NPAS2: variants seen among roughly 807,000 people sequenced by gnomAD.
NPAS2 encodes the protein neuronal PAS domain-containing protein 2.
In NPAS2, 23 loss-of-function variants were observed where a neutral mutation model predicts 107.5. The ratio of observed to expected loss-of-function variants is 0.21; its 90% CI spans 0.15 to 0.30. The LOEUF (loss-of-function observed/expected upper bound fraction) is 0.30, where lower values mean the gene tolerates loss of function less well. Among genes scored for constraint, NPAS2 ranks in the 10% least tolerant of loss-of-function variants. NPAS2 has a pLI of 1.00. For missense variants in NPAS2, 756 were observed against 1,043.3 expected (o/e 0.72, Z 3.79); for synonymous variants, 403 against 417.5 (o/e 0.97, Z 0.42).
At chr2:100,992,040 C>T (rs961222550) in intron 19 of NPAS2, among the ~76,000 whole-genome samples, 17 of 152,296 alleles carry the variant, frequency 1.1e-4, no homozygotes, top group African/African-American at 2.9e-4. Context: ...TGTAAAGTTC[C>T]GTTCATGTCT....
At chr2:100,944,059 A>C (rs559723019) in intron 5 of NPAS2, among the ~76,000 whole-genome samples, 1 of 152,288 alleles carries the variant, frequency 6.6e-6, no homozygotes, top group East Asian at 1.9e-4. Flanking sequence ...CATTCTCTAC[A>C]CTACCTTCTG....
intron 12 of NPAS2, among the ~76,000 whole-genome samples, chr2:100,974,244 T>C (rs1335748749): frequency 6.6e-6 from 1 of 152,184 alleles, no homozygotes; most frequent in Non-Finnish European, 1.5e-5. Flanking sequence ...CTCGTCACAC[T>C]GTATTTGAAG....
intron 1 of NPAS2, among the ~76,000 whole-genome samples, chr2:100,852,645 G>A (rs1465322612): frequency 6.6e-6 from 1 of 152,104 alleles, no homozygotes; most frequent in Non-Finnish European, 1.5e-5. Flanking sequence ...CACTTGTGAT[G>A]GAGCACTGCA....
intron 1 of NPAS2, among the ~76,000 whole-genome samples, chr2:100,861,125 C>T (rs1678917717): frequency 6.6e-6 from 1 of 152,010 alleles, no homozygotes; most frequent in Non-Finnish European, 1.5e-5. Flanking sequence ...TCTCAGCCTC[C>T]CAAAGCACTG....
At chr2:100,846,572 G>T (rs1270327980) in intron 1 of NPAS2, among the ~76,000 whole-genome samples, 1 of 152,022 alleles carries the variant, frequency 6.6e-6, no homozygotes, top group East Asian at 1.9e-4. Flanking sequence ...AGTTAAAAAA[G>T]AATATTTATT....
chr2:100,880,620 C>G (rs1215094040), intron 1 of NPAS2, among the ~76,000 whole-genome samples: 1 of 152,140 alleles, frequency 6.6e-6, no homozygotes, highest in Non-Finnish European at 1.5e-5. Context: ...GAGAGCATAG[C>G]TCAGTGGGTA....
intron 1 of NPAS2, among the ~76,000 whole-genome samples, chr2:100,885,549 G>A (rs1233983119): frequency 2.0e-5 from 3 of 152,254 alleles, no homozygotes; most frequent in East Asian, 3.9e-4. Context: ...TGAAAACTTC[G>A]TGCTTTATTT....
intron 7 of NPAS2, among the ~76,000 whole-genome samples, chr2:100,958,220 A>G (rs1460070520): frequency 6.6e-6 from 1 of 152,210 alleles, no homozygotes; most frequent in Non-Finnish European, 1.5e-5. Context: ...CCGCACAACC[A>G]GATTTGAAAT....
intron 8 of NPAS2, among the ~76,000 whole-genome samples, chr2:100,964,521 A>C (rs980967554): frequency 6.6e-6 from 1 of 152,210 alleles, no homozygotes; most frequent in African/African-American, 2.4e-5. Context: ...GCCTTCTCTC[A>C]TCTGTGATTG....
At position 100,956,587 on chromosome 2, in the gene NPAS2, CTCT is replaced by C. The variant is rs1432192319; in HGVS notation, c.598+7112_598+7114del. ...TATAGTATTCCACGGCTAACGCGCTCTCTTCTTGCTCCTCTGATCAACTGAGTT... is the reference window on the plus strand; with the variant it reads ...TATAGTATTCCACGGCTAACGCGCTCTCTTGCTCCTCTGATCAACTGAGTT... On this transcript the variant is annotated intron_variant, in intron 7 of 20. Transcript: ENST00000335681. 2.0e-5 allele frequency among the ~76,000 whole-genome samples: 3 copies of C among 152,216 alleles called. No homozygotes were observed. The East Asian group carries it at 5.8e-4, about 29-fold the overall frequency.
rs1345824672 is a variant in NPAS2, at chr2:100,996,114, G to GT, written c.*540dup. ...AGAGGAAATAACTTAGGCACTTTCT[G>GT]TTTTTTTTAAAAAAATAATAAGGTC... On this transcript the variant is annotated 3_prime_UTR_variant, in exon 21 of 21. Coordinates refer to ENST00000335681, the MANE Select transcript of NPAS2 (RefSeq NM_002518.4). 1.0e-4 allele frequency: 42 copies of GT among 418,968 alleles called. No homozygotes were observed. Among genetic ancestry groups the GT allele is most frequent in the Middle Eastern group, 9.4e-4 (1 of 1,066 alleles). The allele number at this position is 418,968 out of a possible 1,614,324, so 26.0% of individuals were successfully genotyped here.
At chr2:100,903,286 T>G (rs565796211) in intron 1 of NPAS2, among the ~76,000 whole-genome samples, 1 of 152,320 alleles carries the variant, frequency 6.6e-6, no homozygotes, top group East Asian at 1.9e-4. Flanking sequence ...TTGAACAGAT[T>G]CCATCTGGAA....
At chr2:100,915,089 G>C (rs1448103065) in intron 2 of NPAS2, among the ~76,000 whole-genome samples, 1 of 151,946 alleles carries the variant, frequency 6.6e-6, no homozygotes, top group Non-Finnish European at 1.5e-5. Context: ...GCCCTTTTTT[G>C]TTTTTTATTT....
intron 16 of NPAS2, chr2:100,982,639 C>T (rs1192251650): frequency 2.3e-5 from 12 of 514,680 alleles, no homozygotes; most frequent in East Asian, 3.4e-5. Flanking sequence ...CCTCCACCTA[C>T]GTTTGCACTT....
Position 100,937,741 on chromosome 2 carries a change from C to T in NPAS2, c.274-12C>T, listed in dbSNP as rs1472311329. 6.2e-7 allele frequency: 1 copy of T among 1,608,198 alleles called. No homozygotes were observed. The highest frequency in any genetic ancestry group is 8.5e-7 in the Non-Finnish European group (1 of 1,174,546). On this transcript the variant is annotated splice_polypyrimidine_tract_variant and intron_variant, in intron 4 of 20. Coordinates refer to ENST00000335681, the MANE Select transcript of NPAS2 (RefSeq NM_002518.4). ...ATTGCTAAGGAGCTTTCAAATGTTGCATTTTCCACAGGCATTAGATGGCTT... is the reference window on the plus strand; with the variant it reads ...ATTGCTAAGGAGCTTTCAAATGTTGTATTTTCCACAGGCATTAGATGGCTT...
intron 5 of NPAS2, among the ~76,000 whole-genome samples, chr2:100,941,815 A>G (rs998962171): frequency 5.3e-5 from 8 of 152,132 alleles, no homozygotes; most frequent in African/African-American, 1.4e-4. Flanking sequence ...AGTAGGCATA[A>G]TCTGTGTTTC....
chr2:100,874,829 C>T (rs1679851544), intron 1 of NPAS2, among the ~76,000 whole-genome samples: 1 of 152,132 alleles, frequency 6.6e-6, no homozygotes, highest in Admixed American at 6.5e-5. Context: ...AGAGAATGCC[C>T]AGAACCCGGG....
At chr2:100,834,062 G>A (rs1166192144) in intron 1 of NPAS2, among the ~76,000 whole-genome samples, 2 of 152,100 alleles carry the variant, frequency 1.3e-5, no homozygotes, top group Non-Finnish European at 2.9e-5. Context: ...GGCTCAGAAA[G>A]CAAAGAGGCC....
At chr2:100,952,336 G>T (rs569201213) in intron 7 of NPAS2, among the ~76,000 whole-genome samples, 1 of 152,002 alleles carries the variant, frequency 6.6e-6, no homozygotes, top group African/African-American at 2.4e-5. Flanking sequence ...CACACACTTC[G>T]GGCAGATCAC....
Sources: allele counts gnomAD v4.1 joint callset (sites outside exome capture counted in the v4.1 genomes callset), GRCh38; gene constraint gnomAD v4.1.1; transcripts MANE v1.5; gene names NCBI Gene and HGNC (gene_info 2026-07-23, HGNC 2026-07-21).